The following JAZF1 variants were observed in gnomAD, a reference collection of about 807,000 sequenced individuals.
The protein encoded by JAZF1 is JAZF zinc finger 1.
In JAZF1, 8 loss-of-function variants were observed where a neutral mutation model predicts 26.4. That is an observed-to-expected ratio of 0.30 (90% CI 0.18 to 0.55). The LOEUF is 0.55. JAZF1 is among the 20% of genes least tolerant of loss of function. The pLI is 0.94. For missense variants in JAZF1, 199 were observed against 322.0 expected, an observed-to-expected ratio of 0.62 and a Z score of 2.92; for synonymous variants, 126 against 122.3, an observed-to-expected ratio of 1.03 and a Z score of -0.20.
At chr7:28,110,636 A>AAAGGAAAGGAAAAGG (rs1554289070) in intron 1 of JAZF1, among the ~76,000 whole-genome samples, 7 of 145,322 alleles carry the variant, frequency 4.8e-5, no homozygotes, top group African/African-American at 1.5e-4. Context: ...AAAGGAAAGG[A>AAAGGAAAGGAAAAGG]AAAGGAAAGG....
intron 1 of JAZF1, among the ~76,000 whole-genome samples, chr7:28,073,189 G>T (rs995459057): frequency 3.3e-5 from 5 of 152,146 alleles, no homozygotes; most frequent in African/African-American, 1.2e-4. Context: ...TTTAAAATAA[G>T]CAACTAATAT....
In JAZF1 at chr7:27,909,142, T is replaced by G. The variant is rs1193073401; in HGVS notation, c.189-13726A>C. 1.4e-5 allele frequency among the ~76,000 whole-genome samples: 2 copies of G among 146,270 alleles called. 1 individual carries two copies. The highest frequency in any genetic ancestry group is 5.6e-5 in the African/African-American group (2 of 35,916). On this transcript the variant is annotated intron_variant, in intron 2 of 4. Transcript: ENST00000283928. ...TTCCTGCCTCAGCCTCTTGAGTAGC[T>G]AGGACTATAGTTGCACACCACCAGG...
intron 2 of JAZF1, among the ~76,000 whole-genome samples, chr7:27,954,493 C>A (rs189577375): frequency 2.3e-3 from 345 of 152,206 alleles, no homozygotes; most frequent in Non-Finnish European, 3.5e-3. Context: ...TTGTCCTCCA[C>A]CCCTCAAAAA....
intron 1 of JAZF1, among the ~76,000 whole-genome samples, chr7:28,096,169 GA>G (rs1370222128): frequency 1.1e-4 from 16 of 152,252 alleles, no homozygotes; most frequent in Admixed American, 1.3e-4. Context: ...ACTGAAGAGA[GA>G]AGTGGGAGGC....
At chr7:27,842,747 C>G in intron 3 of JAZF1, 1 of 152,172 alleles carries the variant, frequency 6.6e-6, no homozygotes, top group East Asian at 1.9e-4. Context: ...ATGCTGGCGT[C>G]CTTTAACTTG....
intron 2 of JAZF1, among the ~76,000 whole-genome samples, chr7:27,908,873 T>A (rs1369696497): frequency 1.3e-5 from 2 of 152,218 alleles, no homozygotes; most frequent in Non-Finnish European, 2.9e-5. Flanking sequence ...AAAAATCAAG[T>A]GAAGTCTTTA....
At chr7:28,084,937 C>CT (rs1490673618) in intron 1 of JAZF1, among the ~76,000 whole-genome samples, 1 of 152,138 alleles carries the variant, frequency 6.6e-6, no homozygotes, top group African/African-American at 2.4e-5. Context: ...GGGCTGGTGG[C>CT]TTTAGAAGAT....
intron 1 of JAZF1, among the ~76,000 whole-genome samples, chr7:28,056,859 C>T (rs1295523758): frequency 2.6e-5 from 4 of 152,142 alleles, no homozygotes; most frequent in African/African-American, 7.2e-5. Context: ...CCAGAACCCA[C>T]GCATCTCTTA....
At chr7:28,033,273 A>G (rs984397834) in intron 1 of JAZF1, among the ~76,000 whole-genome samples, 3 of 152,222 alleles carry the variant, frequency 2.0e-5, no homozygotes, top group African/African-American at 4.8e-5. Context: ...CCAAGGAGTT[A>G]AAGAGGAAGA....
chr7:27,931,509 A>G (rs1784687852), intron 2 of JAZF1, among the ~76,000 whole-genome samples: 1 of 152,246 alleles, frequency 6.6e-6, no homozygotes, highest in Non-Finnish European at 1.5e-5. Context: ...GTGTTTGCAC[A>G]TGATGGCAAA....
intron 2 of JAZF1, among the ~76,000 whole-genome samples, chr7:27,934,350 A>G (rs1652134389): frequency 1.3e-5 from 2 of 152,220 alleles, no homozygotes; most frequent in South Asian, 2.1e-4. Flanking sequence ...TGATTTTTAA[A>G]GCCAAAAGGA....
chr7:27,977,678 T>C (rs561852354), intron 2 of JAZF1, among the ~76,000 whole-genome samples: 3 of 152,280 alleles, frequency 2.0e-5, no homozygotes, highest in Admixed American at 2.0e-4. Flanking sequence ...TTTTGGAAAG[T>C]CTTCACAGAT....
At chr7:27,958,311 A>G (rs549967847) in intron 2 of JAZF1, among the ~76,000 whole-genome samples, 2 of 152,354 alleles carry the variant, frequency 1.3e-5, no homozygotes, top group South Asian at 4.1e-4. Flanking sequence ...TTTACTAAAG[A>G]GTAGGTGAAA....
intron 1 of JAZF1, among the ~76,000 whole-genome samples, chr7:28,119,958 A>C (rs113662646): frequency 6.9e-4 from 105 of 152,262 alleles, no homozygotes; most frequent in African/African-American, 2.5e-3. Flanking sequence ...GATGCCTAAC[A>C]AGCCCCTACC....
chr7:28,091,655 C>CAT (rs1784299215), intron 1 of JAZF1, among the ~76,000 whole-genome samples: 1 of 149,720 alleles, frequency 6.7e-6, no homozygotes, highest in Non-Finnish European at 1.5e-5. Context: ...CAGACACACA[C>CAT]ATATATATGC....
At chr7:28,133,213 C>T (rs1369320491) in intron 1 of JAZF1, among the ~76,000 whole-genome samples, 10 of 152,232 alleles carry the variant, frequency 6.6e-5, no homozygotes, top group African/African-American at 2.4e-4. Context: ...CCATTATGCA[C>T]ATTATGAATC....
chr7:27,928,363 G>T (rs1289030354), intron 2 of JAZF1, among the ~76,000 whole-genome samples: 1 of 152,144 alleles, frequency 6.6e-6, no homozygotes, highest in Non-Finnish European at 1.5e-5. Flanking sequence ...TAGTAATTTT[G>T]AATCACATTG....
At chr7:27,972,074 G>A (rs142916254) in intron 2 of JAZF1, among the ~76,000 whole-genome samples, 169 of 152,248 alleles carry the variant, frequency 1.1e-3, no homozygotes, top group African/African-American at 3.9e-3. Flanking sequence ...ATGTAGTAAC[G>A]ACCAAGATGG....
At chr7:27,927,966 CACATGCAACA>C (rs1784626857) in intron 2 of JAZF1, among the ~76,000 whole-genome samples, 23 of 152,108 alleles carry the variant, frequency 1.5e-4, no homozygotes, top group Admixed American at 1.5e-3. Flanking sequence ...CTACAAGGCC[CACATGCAACA>C]TGAGGTCATA....
Sources: allele counts gnomAD v4.1 joint callset (sites outside exome capture counted in the v4.1 genomes callset), GRCh38; gene constraint gnomAD v4.1.1; transcripts MANE v1.5; gene names NCBI Gene and HGNC (gene_info 2026-07-23, HGNC 2026-07-21).